The following BMPER variants were observed in gnomAD, a reference collection of about 807,000 sequenced individuals.
BMPER encodes the protein BMP-binding endothelial regulator protein.
In BMPER, 45 loss-of-function variants were observed where a neutral mutation model predicts 87.3. The observed-to-expected ratio is 0.52, with a 90% CI of 0.41 to 0.66. The LOEUF (loss-of-function observed/expected upper bound fraction) is 0.66. Among genes scored for constraint, BMPER ranks in the 30% least tolerant of loss-of-function variants. The probability of loss-of-function intolerance (pLI) is 0.00; values close to 1 mark genes in which losing one functional copy is unlikely to be tolerated. For synonymous variants in BMPER, 326 were observed against 316.2 expected (o/e 1.03, Z -0.33); for missense variants, 784 against 867.5 (o/e 0.90, Z 1.21).
chr7:34,018,251 T>A (rs1787087240), intron 6 of BMPER, among the ~76,000 whole-genome samples: 1 of 151,934 alleles, frequency 6.6e-6, no homozygotes, highest in South Asian at 2.1e-4. Flanking sequence ...AGAGGAGATC[T>A]GGGAACATAA....
chr7:33,926,666 G>A (rs1784369369), intron 2 of BMPER, among the ~76,000 whole-genome samples: 1 of 152,252 alleles, frequency 6.6e-6, no homozygotes, highest in Non-Finnish European at 1.5e-5. Context: ...ACATCTGCAT[G>A]TGATCCTTGG....
chr7:34,082,328 G>GTTTTT (rs55748957), intron 12 of BMPER, among the ~76,000 whole-genome samples: 1,490 of 116,220 alleles, frequency 0.013, 32 homozygotes, highest in Non-Finnish European at 0.017. Flanking sequence ...CAACTTATTA[G>GTTTTT]TTTTTTTTTT....
At chr7:33,970,525 G>T (rs951479775) in intron 5 of BMPER, 106 bp downstream of exon 5, 6 of 1,162,226 alleles carry the variant, frequency 5.2e-6, no homozygotes, top group African/African-American at 1.5e-5. Flanking sequence ...TTACATCTGT[G>T]TACCTAATGG....
chr7:33,906,147 A>T (rs1049338687), intron 1 of BMPER, among the ~76,000 whole-genome samples: 2 of 152,212 alleles, frequency 1.3e-5, no homozygotes, highest in African/African-American at 4.8e-5. Context: ...TTTTTAAAGC[A>T]CTGGCTCTCA....
intron 7 of BMPER, among the ~76,000 whole-genome samples, chr7:34,048,912 A>G (rs1788065533): frequency 6.6e-6 from 1 of 152,206 alleles, no homozygotes; most frequent in Non-Finnish European, 1.5e-5. Flanking sequence ...GATTAAGGTT[A>G]AGATTTTATG....
intron 2 of BMPER, among the ~76,000 whole-genome samples, chr7:33,933,959 T>C (rs183045320): frequency 2.8e-4 from 42 of 152,346 alleles, no homozygotes; most frequent in African/African-American, 9.9e-4. Context: ...CATAAGATTC[T>C]TAGCACAGAG....
chr7:33,961,570 G>C (rs1785271988), intron 3 of BMPER, among the ~76,000 whole-genome samples: 1 of 152,226 alleles, frequency 6.6e-6, no homozygotes, highest in African/African-American at 2.4e-5. Context: ...TGAGGCTGGA[G>C]TAGAGAGGTT....
chr7:34,065,909 C>A (rs1221691927), intron 11 of BMPER, among the ~76,000 whole-genome samples: 2 of 152,228 alleles, frequency 1.3e-5, no homozygotes, highest in African/African-American at 4.8e-5. Context: ...CCTCCATGCA[C>A]ACATACATGC....
intron 14 of BMPER, among the ~76,000 whole-genome samples, chr7:34,149,105 A>T (rs1054293469): frequency 6.6e-6 from 1 of 152,100 alleles, no homozygotes; most frequent in Non-Finnish European, 1.5e-5. Flanking sequence ...AGAAGATAAG[A>T]GTCCTGCCCT....
At chr7:34,118,779 T>C (rs889858822) in intron 13 of BMPER, among the ~76,000 whole-genome samples, 2 of 152,170 alleles carry the variant, frequency 1.3e-5, no homozygotes, top group African/African-American at 2.4e-5. Flanking sequence ...CTCTGCAACA[T>C]GGATAGGCCT....
At position 34,046,416 on chromosome 7, in the gene BMPER, A is replaced by G. The variant is rs1348085904; in HGVS notation, c.676+11A>G. ...GCCCCAAATGTTTGGGTGAGTTACT[A>G]TTTTCAGGTCAAAGAACAATGTAAT... On this transcript the variant is annotated intron_variant, in intron 7 of 14. Coordinates refer to ENST00000649409, the MANE Select transcript of BMPER (RefSeq NM_001365308.1). 13 of 1,606,792 alleles carry G rather than the reference A, an allele frequency of 8.1e-6. No homozygotes were observed. The highest frequency in any genetic ancestry group is 1.1e-5 in the Non-Finnish European group (13 of 1,173,514).
At chr7:33,958,346 T>C (rs968433531) in intron 3 of BMPER, among the ~76,000 whole-genome samples, 1 of 152,314 alleles carries the variant, frequency 6.6e-6, no homozygotes, top group East Asian at 1.9e-4. Context: ...AGTTGATGCT[T>C]TGAGCCCTCA....
chr7:34,010,343 C>G (rs534963353), intron 6 of BMPER, among the ~76,000 whole-genome samples: 81 of 151,792 alleles, frequency 5.3e-4, no homozygotes, highest in African/African-American at 1.9e-3. Flanking sequence ...ATGAGATAGT[C>G]AAAAGTAGAC....
At chr7:33,947,927 TA>T (rs1233861306) in intron 3 of BMPER, among the ~76,000 whole-genome samples, 5 of 152,220 alleles carry the variant, frequency 3.3e-5, no homozygotes, top group African/African-American at 7.2e-5. Flanking sequence ...AACAAACATT[TA>T]AAAAAACTCT....
chr7:34,120,492 G>A (rs929833917), intron 13 of BMPER, among the ~76,000 whole-genome samples: 4 of 150,778 alleles, frequency 2.7e-5, no homozygotes, highest in African/African-American at 9.7e-5. Flanking sequence ...TCCTCCTCCC[G>A]GGTTCAAGCG....
intron 6 of BMPER, chr7:34,042,796 C>G (rs555775812): frequency 1.3e-5 from 2 of 152,244 alleles, no homozygotes; most frequent in South Asian, 2.1e-4. Flanking sequence ...GCCCCTACCC[C>G]CAAGACAGTT....
At chr7:34,133,519 T>C (rs571703842) in intron 13 of BMPER, among the ~76,000 whole-genome samples, 1 of 152,274 alleles carries the variant, frequency 6.6e-6, no homozygotes, top group African/African-American at 2.4e-5. Context: ...GTAACAGCCT[T>C]TGTAATCAAC....
intron 6 of BMPER, among the ~76,000 whole-genome samples, chr7:34,043,632 A>G (rs1184198268): frequency 6.6e-6 from 1 of 152,178 alleles, no homozygotes; most frequent in African/African-American, 2.4e-5. Flanking sequence ...GGGGTGGGGC[A>G]TGCTCATGGG....
At chr7:34,048,874 A>G (rs1330252731) in intron 7 of BMPER, among the ~76,000 whole-genome samples, 1 of 152,154 alleles carries the variant, frequency 6.6e-6, no homozygotes, top group Non-Finnish European at 1.5e-5. Flanking sequence ...CGAATGTTTT[A>G]TCTTATGTTG....
Sources: gnomAD v4.1 joint callset for allele counts (sites outside exome capture counted in the v4.1 genomes callset) on GRCh38, gnomAD v4.1.1 for gene constraint, MANE v1.5 for transcripts, NCBI Gene and HGNC (gene_info 2026-07-23, HGNC 2026-07-21) for gene names.